Variants in NAALADL2 observed in about 807,000 individuals in gnomAD.
NAALADL2 encodes N-acetylated alpha-linked acidic dipeptidase like 2, also known as inactive N-acetylated-alpha-linked acidic dipeptidase-like protein 2.
Under a neutral mutation model 87.2 loss-of-function variants are expected in NAALADL2, and 76 were observed. That is an observed-to-expected ratio of 0.87 (90% confidence interval 0.72 to 1.05). The LOEUF (loss-of-function observed/expected upper bound fraction) is 1.05. NAALADL2 is among the 50% of genes least tolerant of loss of function. The pLI, the probability that NAALADL2 is intolerant of heterozygous loss-of-function variation, is 0.00. For missense variants in NAALADL2, 1,089 were observed against 945.8 expected, an observed-to-expected ratio of 1.15 and a Z score of -1.99; for synonymous variants, 354 against 331.0, an observed-to-expected ratio of 1.07 and a Z score of -0.75.
chr3:175,713,207 G>A (rs1459816186), intron 11 of NAALADL2, among the ~76,000 whole-genome samples: 1 of 152,126 alleles, frequency 6.6e-6, no homozygotes, highest in African/African-American at 2.4e-5. Flanking sequence ...TAATCACAGT[G>A]TTATGGTGAA....
intron 1 of NAALADL2, among the ~76,000 whole-genome samples, chr3:174,998,002 C>G (rs905381127): frequency 3.9e-5 from 6 of 152,148 alleles, no homozygotes; most frequent in African/African-American, 1.4e-4. Context: ...ACTCTTGCAT[C>G]ATTAAAGTTC....
At chr3:175,359,282 T>C (rs1422071618) in intron 5 of NAALADL2, among the ~76,000 whole-genome samples, 2 of 152,074 alleles carry the variant, frequency 1.3e-5, no homozygotes, top group African/African-American at 2.4e-5. Context: ...ACTAATCACC[T>C]TGAGGGAGCA....
chr3:174,552,679 C>G (rs182667190), intron 2 of NAALADL2, among the ~76,000 whole-genome samples: 3 of 151,296 alleles, frequency 2.0e-5, no homozygotes, highest in Admixed American at 6.6e-5. Context: ...GCCTGTAGTC[C>G]CAGCTACTCG....
chr3:175,391,968 A>G (rs1199048787), intron 5 of NAALADL2, among the ~76,000 whole-genome samples: 1 of 152,228 alleles, frequency 6.6e-6, no homozygotes, highest in African/African-American at 2.4e-5. Context: ...ACTTTGAATC[A>G]TCGCAACCTC....
At chr3:175,714,936 A>G (rs1366537743) in intron 11 of NAALADL2, among the ~76,000 whole-genome samples, 5 of 152,212 alleles carry the variant, frequency 3.3e-5, no homozygotes, top group Non-Finnish European at 7.3e-5. Flanking sequence ...ACCCTAGAAG[A>G]AAACCTAGGC....
chr3:175,221,442 T>A (rs377169508), intron 2 of NAALADL2, among the ~76,000 whole-genome samples: 2 of 152,268 alleles, frequency 1.3e-5, no homozygotes, highest in Non-Finnish European at 2.9e-5. Flanking sequence ...TGTGCACTTA[T>A]AAAGTTATTG....
chr3:175,500,521 G>A (rs1235457531), intron 9 of NAALADL2, among the ~76,000 whole-genome samples: 2 of 151,794 alleles, frequency 1.3e-5, no homozygotes, highest in Admixed American at 6.6e-5. Context: ...ACTTCTAATG[G>A]GGGCCTCCCA....
intron 1 of NAALADL2, among the ~76,000 whole-genome samples, chr3:174,997,999 C>T (rs1035479428): frequency 6.6e-6 from 1 of 152,096 alleles, no homozygotes; most frequent in Admixed American, 6.6e-5. Context: ...TTTACTCTTG[C>T]ATCATTAAAG....
chr3:175,482,234 G>A (rs958529819), intron 9 of NAALADL2, among the ~76,000 whole-genome samples: 2 of 151,902 alleles, frequency 1.3e-5, no homozygotes, highest in Non-Finnish European at 2.9e-5. Flanking sequence ...TTTATATTCA[G>A]TGAATTCTTC....
intron 1 of NAALADL2, among the ~76,000 whole-genome samples, chr3:175,068,218 G>A (rs1714910770): frequency 6.6e-6 from 1 of 151,934 alleles, no homozygotes; most frequent in Non-Finnish European, 1.5e-5. Flanking sequence ...TAACAAACCT[G>A]CACATGTACC....
At chr3:174,925,327 A>T (rs1735843964) in intron 1 of NAALADL2, among the ~76,000 whole-genome samples, 1 of 152,208 alleles carries the variant, frequency 6.6e-6, no homozygotes, top group Admixed American at 6.5e-5. Flanking sequence ...TTAAAAAGGG[A>T]ATCCTTTCCC....
chr3:175,451,643 T>G (rs1287254458), intron 6 of NAALADL2, among the ~76,000 whole-genome samples: 1 of 152,092 alleles, frequency 6.6e-6, no homozygotes, highest in Non-Finnish European at 1.5e-5. Flanking sequence ...TGAATCAAGT[T>G]AAAAATAAAC....
chr3:175,074,511 A>G (rs768052783), intron 1 of NAALADL2, among the ~76,000 whole-genome samples: 4 of 152,118 alleles, frequency 2.6e-5, no homozygotes, highest in Admixed American at 6.6e-5. Context: ...AAATAAATAC[A>G]TTAACTTTCC....
chr3:175,432,484 AT>A (rs1717930659), intron 5 of NAALADL2, among the ~76,000 whole-genome samples: 1 of 152,032 alleles, frequency 6.6e-6, no homozygotes, highest in African/African-American at 2.4e-5. Context: ...ACCCACCATA[AT>A]AAAGACTCTA....
chr3:175,270,200 C>G (rs980768530), intron 4 of NAALADL2, among the ~76,000 whole-genome samples: 1 of 152,128 alleles, frequency 6.6e-6, no homozygotes, highest in Non-Finnish European at 1.5e-5. Flanking sequence ...GACAAGATTT[C>G]TCATTTATGT....
At position 174,803,478 on chromosome 3, in the gene NAALADL2, A is replaced by G. The variant is rs189353266; in HGVS notation, c.-9+65732A>G. Among the ~76,000 whole-genome samples the G allele has an allele frequency of 3.3e-3, 504 of 152,192 alleles. 4 individuals carry two copies. The highest frequency in any genetic ancestry group is 0.012 in the African/African-American group (492 of 41,524). On this transcript the variant is annotated intron_variant, in intron 3 of 3. Transcript: ENST00000434257. ...TTGCTGTGCAGAAGCTCTTTAGTTT[A>G]ATTACATCCCATTTGTCAATTGTGG...
chr3:174,970,386 A>C (rs150942770), intron 1 of NAALADL2, among the ~76,000 whole-genome samples: 1 of 152,210 alleles, frequency 6.6e-6, no homozygotes, highest in Admixed American at 6.5e-5. Context: ...TTAAATAAAA[A>C]CAGACTAAAG....
chr3:175,504,224 T>A (rs6788306), intron 9 of NAALADL2, among the ~76,000 whole-genome samples: 10 of 152,186 alleles, frequency 6.6e-5, no homozygotes, highest in Non-Finnish European at 1.0e-4. Context: ...AAGAGGACAT[T>A]TTATCAAAGA....
Position 175,248,257 on chromosome 3 carries a change from A to G in NAALADL2, c.820-8154A>G, listed in dbSNP as rs547953790. 3.3e-4 allele frequency among the ~76,000 whole-genome samples: 51 copies of G among 152,310 alleles called. 1 individual carries two copies. In the Middle Eastern group the frequency reaches 0.014, roughly 41 times the overall value. ...TCCTTGCCTTGATTTCTTTATTTGT[A>G]AAAAGGGGGGATGATTCCAGTAACT... On this transcript the variant is annotated intron_variant, in intron 3 of 13. Coordinates refer to ENST00000454872, the MANE Select transcript of NAALADL2 (RefSeq NM_207015.3).
Sources: gnomAD v4.1 joint callset for allele counts (sites outside exome capture counted in the v4.1 genomes callset) on GRCh38, gnomAD v4.1.1 for gene constraint, MANE v1.5 for transcripts, NCBI Gene and HGNC (gene_info 2026-07-23, HGNC 2026-07-21) for gene names.